The following KCNT2 variants were observed in gnomAD, a reference collection of about 807,000 sequenced individuals.
KCNT2 encodes the protein potassium channel subfamily T member 2.
A neutral mutation model predicts 153.8 loss-of-function variants in KCNT2; 67 were observed. That is an observed-to-expected ratio of 0.44 (90% CI 0.36 to 0.53). The LOEUF (loss-of-function observed/expected upper bound fraction) is 0.53. Among genes scored for constraint, KCNT2 ranks in the 20% least tolerant of loss-of-function variants. The pLI, the probability that KCNT2 is intolerant of heterozygous loss-of-function variation, is 0.00. For synonymous variants in KCNT2, 500 were observed against 458.8 expected, an observed-to-expected ratio of 1.09 and a Z score of -1.15; for missense variants, 975 against 1,354.8, an observed-to-expected ratio of 0.72 and a Z score of 4.40.
At chr1:196,278,247 A>G (rs765020123) in intron 25 of KCNT2, among the ~76,000 whole-genome samples, 34 of 152,312 alleles carry the variant, frequency 2.2e-4, no homozygotes, top group Admixed American at 5.9e-4. Flanking sequence ...TAGTACAGTA[A>G]CACTAACTTC....
chr1:196,284,784 G>A (rs957325796), intron 23 of KCNT2, among the ~76,000 whole-genome samples: 2 of 152,142 alleles, frequency 1.3e-5, no homozygotes, highest in Non-Finnish European at 2.9e-5. Context: ...GACGTTGCTA[G>A]AGGCATAATC....
At chr1:196,319,943 G>T (rs1251840898) in intron 19 of KCNT2, among the ~76,000 whole-genome samples, 1 of 151,418 alleles carries the variant, frequency 6.6e-6, no homozygotes, top group African/African-American at 2.4e-5. Flanking sequence ...TAAAGCAATG[G>T]GTACTAATGC....
intron 22 of KCNT2, among the ~76,000 whole-genome samples, chr1:196,296,761 G>C (rs1437964382): frequency 6.6e-6 from 1 of 152,028 alleles, no homozygotes; most frequent in Non-Finnish European, 1.5e-5. Flanking sequence ...GACTTGGGCT[G>C]TGAAGTCAAG....
chr1:196,450,704 T>C (rs1572497173), intron 8 of KCNT2, among the ~76,000 whole-genome samples: 2 of 151,916 alleles, frequency 1.3e-5, no homozygotes, highest in Non-Finnish European at 2.9e-5. Context: ...ACCTCTTTCC[T>C]GGAGTCCCAC....
chr1:196,258,920 A>T (rs1445254987), intron 25 of KCNT2, among the ~76,000 whole-genome samples: 1 of 152,140 alleles, frequency 6.6e-6, no homozygotes, highest in Non-Finnish European at 1.5e-5. Context: ...AATAATTAAG[A>T]TAACTATCTT....
chr1:196,386,292 A>T (rs750599122), intron 13 of KCNT2, among the ~76,000 whole-genome samples: 8 of 152,172 alleles, frequency 5.3e-5, no homozygotes, highest in Non-Finnish European at 1.0e-4. Context: ...TACTTCTCCC[A>T]AATTCCTGAC....
At chr1:196,443,597 C>T (rs1192109884) in intron 8 of KCNT2, among the ~76,000 whole-genome samples, 2 of 151,516 alleles carry the variant, frequency 1.3e-5, no homozygotes, top group Non-Finnish European at 1.5e-5. Context: ...GGTTCAATAA[C>T]CAGCTTGTGG....
At chr1:196,537,851 G>A (rs1030714849) in intron 1 of KCNT2, among the ~76,000 whole-genome samples, 11 of 152,126 alleles carry the variant, frequency 7.2e-5, no homozygotes, top group Non-Finnish European at 1.5e-4. Context: ...TCGTGGGGGC[G>A]GGGGAGCCTG....
intron 22 of KCNT2, among the ~76,000 whole-genome samples, chr1:196,301,695 AG>A (rs1661197382): frequency 6.6e-6 from 1 of 152,180 alleles, no homozygotes. Flanking sequence ...GCAAAATAAA[AG>A]TGTGAAAGTG....
intron 1 of KCNT2, among the ~76,000 whole-genome samples, chr1:196,574,115 T>A (rs1165925340): frequency 6.6e-6 from 1 of 152,016 alleles, no homozygotes; most frequent in Non-Finnish European, 1.5e-5. Context: ...TTTCTGAGAA[T>A]CAATTATTAA....
At chr1:196,359,144 G>A (rs1028524272) in intron 14 of KCNT2, among the ~76,000 whole-genome samples, 1 of 151,940 alleles carries the variant, frequency 6.6e-6, no homozygotes, top group African/African-American at 2.4e-5. Flanking sequence ...TAATGAAAGA[G>A]GTGTAAGTCA....
intron 1 of KCNT2, among the ~76,000 whole-genome samples, chr1:196,574,370 C>A (rs1262333654): frequency 6.6e-6 from 1 of 151,258 alleles, no homozygotes; most frequent in African/African-American, 2.4e-5. Flanking sequence ...CACAGCAATC[C>A]TACAAGAGAG....
At chr1:196,316,397 CT>C (rs1468514519) in intron 20 of KCNT2, among the ~76,000 whole-genome samples, 2 of 151,282 alleles carry the variant, frequency 1.3e-5, no homozygotes, top group Admixed American at 6.6e-5. Flanking sequence ...GACACATTTA[CT>C]TTTTTTTACT....
At chr1:196,292,335 C>T (rs371958083) in intron 22 of KCNT2, among the ~76,000 whole-genome samples, 5 of 152,192 alleles carry the variant, frequency 3.3e-5, no homozygotes, top group South Asian at 2.1e-4. Flanking sequence ...ATAATATACG[C>T]CATGTATAAA....
chr1:196,405,073 A>G (rs923955864), intron 12 of KCNT2, among the ~76,000 whole-genome samples: 1 of 151,620 alleles, frequency 6.6e-6, no homozygotes, highest in Admixed American at 6.6e-5. Context: ...AAAGAGCTGT[A>G]TAACATGGCA....
intron 1 of KCNT2, among the ~76,000 whole-genome samples, chr1:196,527,116 C>CA (rs1440700456): frequency 6.6e-6 from 1 of 152,152 alleles, no homozygotes; most frequent in East Asian, 1.9e-4. Flanking sequence ...ACTGTGCCCC[C>CA]ACTGGTCTAT....
intron 18 of KCNT2, among the ~76,000 whole-genome samples, chr1:196,329,615 G>A (rs1462386010): frequency 6.6e-6 from 1 of 151,344 alleles, no homozygotes; most frequent in Non-Finnish European, 1.5e-5. Context: ...TATCCATAAA[G>A]AAAATAACAA....
At chr1:196,453,579 T>C (rs1026137924) in intron 8 of KCNT2, among the ~76,000 whole-genome samples, 4 of 152,072 alleles carry the variant, frequency 2.6e-5, no homozygotes, top group South Asian at 2.1e-4. Flanking sequence ...ACTTCTCAGA[T>C]TGTTGTTTTA....
chr1:196,406,592 C>CAAA (rs11357087), intron 12 of KCNT2, among the ~76,000 whole-genome samples: 3 of 135,468 alleles, frequency 2.2e-5, no homozygotes, highest in African/African-American at 8.6e-5. Context: ...ACATCAAAGT[C>CAAA]AAAAAAAAAA....
Sources: allele counts gnomAD v4.1 joint callset (sites outside exome capture counted in the v4.1 genomes callset), GRCh38; gene constraint gnomAD v4.1.1; transcripts MANE v1.5; gene names NCBI Gene and HGNC (gene_info 2026-07-23, HGNC 2026-07-21).